Variants in WNK1 observed in about 807,000 individuals in gnomAD.
The protein encoded by WNK1 is serine/threonine-protein kinase WNK1.
A neutral mutation model predicts 222.8 loss-of-function variants in WNK1; 38 were observed. The ratio of observed to expected loss-of-function variants is 0.17; its 90% confidence interval spans 0.13 to 0.22. WNK1 has a LOEUF of 0.22. Ranked by LOEUF, WNK1 falls within the 10% of genes least tolerant of loss-of-function variation. WNK1 has a pLI of 1.00. For synonymous variants in WNK1, 1,090 were observed against 1,092.9 expected (o/e 1.00, Z 0.05); for missense variants, 2,348 against 2,918.4 (o/e 0.80, Z 4.50).
At chr12:815,735 G>A (rs974303375) in intron 2 of WNK1, among the ~76,000 whole-genome samples, 1 of 152,182 alleles carries the variant, frequency 6.6e-6, no homozygotes, top group South Asian at 2.1e-4. Context: ...TTACTTGGTT[G>A]TCAACAGTTT....
intron 1 of WNK1, among the ~76,000 whole-genome samples, chr12:776,959 A>G (rs1001601950): frequency 6.6e-6 from 1 of 152,200 alleles, no homozygotes; most frequent in East Asian, 1.9e-4. Context: ...GTAGCTATTC[A>G]TTCAGAAGTG....
intron 1 of WNK1, among the ~76,000 whole-genome samples, chr12:769,044 A>G (rs943217800): frequency 1.3e-5 from 2 of 151,374 alleles, no homozygotes; most frequent in Non-Finnish European, 2.9e-5. Context: ...TCCTGACCTC[A>G]TGATCCACCC....
At chr12:851,701 T>G (rs1179691979) in intron 4 of WNK1, 2 of 1,335,222 alleles carry the variant, frequency 1.5e-6, no homozygotes, top group African/African-American at 3.0e-5. Flanking sequence ...TGATGGATAT[T>G]AAAAAGAAAG....
chr12:787,722 G>A (rs1394810216), intron 1 of WNK1, among the ~76,000 whole-genome samples: 1 of 152,010 alleles, frequency 6.6e-6, no homozygotes, highest in Non-Finnish European at 1.5e-5. Flanking sequence ...TCTGTCTTCT[G>A]CTGGGCTGAG....
intron 24 of WNK1, 138 bp from the exon 25 acceptor site, chr12:897,341 C>G: frequency 1.4e-6 from 1 of 709,134 alleles, no homozygotes; most frequent in Non-Finnish European, 2.5e-6. Flanking sequence ...AAACTAGAAT[C>G]TCGTGGTAGT....
At chr12:792,308 C>CTTTTTT (rs35838951) in intron 1 of WNK1, among the ~76,000 whole-genome samples, 8 of 89,084 alleles carry the variant, frequency 9.0e-5, no homozygotes, top group Non-Finnish European at 1.1e-4. Flanking sequence ...TACTGTTATT[C>CTTTTTT]TTTTTTTTTT....
intron 1 of WNK1, among the ~76,000 whole-genome samples, chr12:777,964 T>C (rs1022916641): frequency 7.9e-5 from 12 of 152,362 alleles, no homozygotes; most frequent in African/African-American, 2.9e-4. Flanking sequence ...GTGGATGCCT[T>C]GTTACTTTAG....
Position 869,043 on chromosome 12 carries a change from C to A in WNK1, c.2140-2222C>A. On this transcript the variant is annotated intron_variant, in intron 8 of 27. Coordinates refer to ENST00000315939, the MANE Select transcript of WNK1 (RefSeq NM_018979.4). ...CTTTTCTTCTGTTTCCCCCAAGGAACCACATCTCAGCAGGTCTTAACTGCC... is the reference window on the plus strand; with the variant it reads ...CTTTTCTTCTGTTTCCCCCAAGGAAACACATCTCAGCAGGTCTTAACTGCC... 1 of 1,613,344 alleles carries A rather than the reference C, an allele frequency of 6.2e-7. No individual in the cohort carries two copies. The highest frequency in any genetic ancestry group is 2.2e-5 in the East Asian group (1 of 44,884).
chr12:883,021 C>T lies in WNK1; in HGVS notation c.3451C>T (p.Leu1151=), dbSNP rs1953315110. 1.9e-6 allele frequency: 3 copies of T among 1,613,532 alleles called. No individual in the cohort carries two copies. Among genetic ancestry groups the T allele is most frequent in the Admixed American group, 1.7e-5 (1 of 60,020 alleles). ...NRKMVTFKFD[L]DGDNPEEIAT... is the part of the protein sequence containing the mutation. ...GAAAATGGTTACATTCAAATTTGAC[C>T]TAGATGGTGACAACCCCGAGGAGAT... is the stretch of plus-strand genomic sequence containing the variant. The change falls in exon 15 of 28, where the codon CTA becomes TTA. Residue 1151 remains leucine (L), a synonymous_variant. Coordinates refer to ENST00000315939, the MANE Select transcript of WNK1 (RefSeq NM_018979.4).
chr12:896,878 C>A, intron 24 of WNK1, 146 bp downstream of exon 24: 1 of 657,662 alleles, frequency 1.5e-6, no homozygotes, highest in Non-Finnish European at 2.6e-6. Flanking sequence ...CCACCCCATA[C>A]CTCCCCACCA....
At chr12:886,203 A>C in intron 19 of WNK1, 119 bp downstream of exon 19, 1 of 906,728 alleles carries the variant, frequency 1.1e-6, no homozygotes, top group Admixed American at 3.2e-5. Context: ...TACCTGGCTT[A>C]TAGTATTTAT....
intron 11 of WNK1, 28 bp downstream of exon 11, chr12:880,059 A>G (rs755521946): frequency 1.2e-6 from 2 of 1,604,570 alleles, no homozygotes; most frequent in Admixed American, 3.3e-5. Flanking sequence ...AAAAGAGGGC[A>G]CCACAGAGTT....
intron 1 of WNK1, among the ~76,000 whole-genome samples, chr12:756,803 T>C (rs1274352694): frequency 1.3e-5 from 2 of 152,220 alleles, no homozygotes; most frequent in Non-Finnish European, 2.9e-5. Context: ...TTTCGCTAAA[T>C]CTATCCTTTT....
At chr12:900,293 A>G (rs1270528957) in intron 25 of WNK1, among the ~76,000 whole-genome samples, 183 bp from the exon 26 acceptor site, 3 of 152,100 alleles carry the variant, frequency 2.0e-5, no homozygotes, top group Non-Finnish European at 2.9e-5. Context: ...CAGCCTATCT[A>G]TTGAGTCTTA....
chr12:908,852 T>TGGGGGGG lies in WNK1; in HGVS notation c.*65_*66insGGGGGGG. 3 of 237,432 alleles carry TGGGGGGG rather than the reference T, an allele frequency of 1.3e-5. No homozygotes were observed. Among genetic ancestry groups the TGGGGGGG allele is most frequent in the Admixed American group, 4.8e-5 (1 of 20,808 alleles). 14.7% of individuals were successfully genotyped at this position (237,432 alleles called of 1,614,324 possible). ...GGAGATGGAATGCTGAGGGGGTGGGTGGGGGTGGGAAGTAGCCTATATACT... is the reference window on the plus strand; with the variant it reads ...GGAGATGGAATGCTGAGGGGGTGGGTGGGGGGGGGGGGTGGGAAGTAGCCTATATACT... On this transcript the variant is annotated 3_prime_UTR_variant, in exon 28 of 28. Coordinates refer to ENST00000315939, the MANE Select transcript of WNK1 (RefSeq NM_018979.4).
intron 8 of WNK1, among the ~76,000 whole-genome samples, chr12:866,607 C>G (rs542797630): frequency 6.6e-4 from 100 of 152,140 alleles, no homozygotes; most frequent in Non-Finnish European, 1.1e-3. Flanking sequence ...TGATCCACCC[C>G]CTTCAGCCTC....
At chr12:771,145 A>G (rs564176146) in intron 1 of WNK1, among the ~76,000 whole-genome samples, 1 of 151,912 alleles carries the variant, frequency 6.6e-6, no homozygotes, top group Non-Finnish European at 1.5e-5. Context: ...CTACAGGTGC[A>G]TGCCACCACG....
At chr12:814,139 G>T (rs992915279) in intron 2 of WNK1, among the ~76,000 whole-genome samples, 1 of 149,174 alleles carries the variant, frequency 6.7e-6, no homozygotes, top group Non-Finnish European at 1.5e-5. Context: ...GACCAGCCTG[G>T]CCAACGTGGT....
Position 889,210 on chromosome 12 carries a change from C to G in WNK1, c.5435C>G (p.Thr1812Ser). The change falls in exon 21 of 28, where the codon ACT becomes AGT. Residue 1812 changes from threonine (T) to serine (S), a missense_variant. Transcript: ENST00000315939. ...RTLSPEMITV[T>S]SAVGPVSMAA... ...CTTAGTCCAGAGATGATCACAGTGACTTCTGCGGTTGGTGTAAGTTTTGAA... is the reference window on the plus strand; with the variant it reads ...CTTAGTCCAGAGATGATCACAGTGAGTTCTGCGGTTGGTGTAAGTTTTGAA... 4 of 1,614,000 alleles carry G rather than the reference C, an allele frequency of 2.5e-6. No homozygotes were observed. The South Asian group carries it at 4.4e-5, about 18-fold the overall frequency.
Sources: gnomAD v4.1 joint callset for allele counts (sites outside exome capture counted in the v4.1 genomes callset) on GRCh38, gnomAD v4.1.1 for gene constraint, MANE v1.5 for transcripts, NCBI Gene and HGNC (gene_info 2026-07-23, HGNC 2026-07-21) for gene names.